The following SGCZ variants were observed in gnomAD, a reference collection of about 807,000 sequenced individuals.
SGCZ encodes the protein zeta-sarcoglycan.
In SGCZ, 40 loss-of-function variants were observed where a neutral mutation model predicts 41.3. That is an observed-to-expected ratio of 0.97 (90% CI 0.75 to 1.26). The LOEUF (loss-of-function observed/expected upper bound fraction) is 1.26. Ranked by LOEUF, SGCZ falls within the 50% of genes most tolerant of loss-of-function variation. SGCZ has a pLI of 0.00. For synonymous variants in SGCZ, 206 were observed against 137.5 expected, an observed-to-expected ratio of 1.50 and a Z score of -3.49; for missense variants, 552 against 369.8, an observed-to-expected ratio of 1.49 and a Z score of -4.04.
intron 3 of SGCZ, among the ~76,000 whole-genome samples, chr8:14,298,117 T>C (rs1202569467): frequency 1.3e-5 from 2 of 151,994 alleles, no homozygotes; most frequent in Admixed American, 1.3e-4. Context: ...AAAAAGATTA[T>C]TTTAATAGAT....
intron 2 of SGCZ, among the ~76,000 whole-genome samples, chr8:14,486,078 G>T (rs960742370): frequency 3.3e-5 from 5 of 152,074 alleles, no homozygotes; most frequent in Admixed American, 3.3e-4. Context: ...ACAAAATAAC[G>T]TCAGTTAATA....
intron 1 of SGCZ, among the ~76,000 whole-genome samples, chr8:14,619,239 A>G (rs1214050103): frequency 6.6e-6 from 1 of 152,174 alleles, no homozygotes; most frequent in Non-Finnish European, 1.5e-5. Context: ...AAAATTCAAC[A>G]ACCTTCATGC....
chr8:15,080,774 A>G (rs540524517), intron 1 of SGCZ, among the ~76,000 whole-genome samples: 2 of 152,006 alleles, frequency 1.3e-5, no homozygotes, highest in South Asian at 4.1e-4. Context: ...TTGTATTTTT[A>G]GTAGAATCGG....
chr8:14,449,408 A>G (rs1800526887), intron 2 of SGCZ, among the ~76,000 whole-genome samples: 1 of 152,160 alleles, frequency 6.6e-6, no homozygotes, highest in Non-Finnish European at 1.5e-5. Context: ...TTTGTGTCCC[A>G]ATATTTGACT....
chr8:14,181,526 G>C (rs1376590073), intron 4 of SGCZ, among the ~76,000 whole-genome samples: 2 of 152,208 alleles, frequency 1.3e-5, no homozygotes, highest in East Asian at 3.9e-4. Context: ...TGGTTTGGCT[G>C]TGTCCCCACC....
intron 1 of SGCZ, among the ~76,000 whole-genome samples, chr8:14,704,791 CA>C (rs746459553): frequency 6.6e-6 from 1 of 151,444 alleles, no homozygotes; most frequent in Non-Finnish European, 1.5e-5. Context: ...TTAAAAAACA[CA>C]AAAAAACAAA....
chr8:15,003,222 G>C (rs1192466385), intron 1 of SGCZ, among the ~76,000 whole-genome samples: 1 of 152,210 alleles, frequency 6.6e-6, no homozygotes, highest in Non-Finnish European at 1.5e-5. Context: ...ATGGAGAGCA[G>C]AGAGTTTATA....
intron 1 of SGCZ, among the ~76,000 whole-genome samples, chr8:14,583,826 CAT>C (rs71818960): frequency 0.35 from 52,555 of 150,856 alleles, 9,482 homozygotes; most frequent in East Asian, 0.53. Flanking sequence ...TATGGCAAAA[CAT>C]ATATATATAT....
chr8:14,232,988 T>A lies in SGCZ; in HGVS notation c.424+4604A>T, dbSNP rs1460469315. On this transcript the variant is annotated intron_variant, in intron 4 of 7. Coordinates refer to ENST00000382080, the MANE Select transcript of SGCZ (RefSeq NM_139167.4). ...ATAGATGTGGGATTGTGGAACTTCT[T>A]CTTGTTTATGACATAGGGCCCCATA... Among the ~76,000 whole-genome samples, 4 of 152,060 alleles carry A rather than the reference T, an allele frequency of 2.6e-5. No individual in the cohort carries two copies. The East Asian group carries it at 7.7e-4, about 29-fold the overall frequency.
At chr8:14,256,140 A>G (rs1278361637) in intron 3 of SGCZ, among the ~76,000 whole-genome samples, 1 of 152,152 alleles carries the variant, frequency 6.6e-6, no homozygotes, top group Non-Finnish European at 1.5e-5. Flanking sequence ...GCAGAAGCAT[A>G]TGATATATAA....
At chr8:14,338,384 A>T (rs1251311272) in intron 2 of SGCZ, among the ~76,000 whole-genome samples, 1 of 152,194 alleles carries the variant, frequency 6.6e-6, no homozygotes, top group Non-Finnish European at 1.5e-5. Context: ...CCACGTGGGT[A>T]GCTTATGTAA....
intron 2 of SGCZ, among the ~76,000 whole-genome samples, chr8:14,505,350 G>C (rs769889712): frequency 1.3e-5 from 2 of 152,072 alleles, no homozygotes; most frequent in Non-Finnish European, 2.9e-5. Context: ...AAGAGCGCCA[G>C]TTACCAGGGC....
rs939215027 is a variant in SGCZ, at chr8:15,050,953, G to C, written c.39+186632C>G. 1.6e-4 allele frequency among the ~76,000 whole-genome samples: 25 copies of C among 152,208 alleles called. 1 individual carries two copies. Among genetic ancestry groups the C allele is most frequent in the Admixed American group, 1.3e-3 (20 of 15,282 alleles). ...ATGGGAAATACTTGCCTCTTTCTGGGATTGAGTGCCATTTGTAATGTGTTG... is the reference window on the plus strand; with the variant it reads ...ATGGGAAATACTTGCCTCTTTCTGGCATTGAGTGCCATTTGTAATGTGTTG... On this transcript the variant is annotated intron_variant, in intron 1 of 7. Coordinates refer to ENST00000382080, the MANE Select transcript of SGCZ (RefSeq NM_139167.4).
chr8:14,351,300 T>C (rs888467388), intron 2 of SGCZ, among the ~76,000 whole-genome samples: 1 of 152,134 alleles, frequency 6.6e-6, no homozygotes, highest in African/African-American at 2.4e-5. Flanking sequence ...ATTATTATTT[T>C]ACTCCTTTGC....
At chr8:14,658,700 T>C (rs1807653592) in intron 1 of SGCZ, among the ~76,000 whole-genome samples, 1 of 152,308 alleles carries the variant, frequency 6.6e-6, no homozygotes, top group African/African-American at 2.4e-5. Flanking sequence ...TCAGCAGGTA[T>C]TATTAATGTA....
chr8:15,129,987 T>G lies in SGCZ; in HGVS notation c.39+107598A>C, dbSNP rs1430160487. Among the ~76,000 whole-genome samples the G allele has an allele frequency of 2.6e-5, 4 of 152,104 alleles. No individual in the cohort carries two copies. In the East Asian group the frequency reaches 5.8e-4, roughly 22 times the overall value. ...TAATCTCAGTATTTTAAAAATGACA[T>G]TGGTGATGCATCCTGTATGACTAAG... On this transcript the variant is annotated intron_variant, in intron 1 of 7. Transcript: ENST00000382080.
At chr8:14,861,176 T>G (rs1235570756) in intron 1 of SGCZ, among the ~76,000 whole-genome samples, 3 of 152,160 alleles carry the variant, frequency 2.0e-5, no homozygotes, top group Non-Finnish European at 4.4e-5. Flanking sequence ...TGGAGAAAAC[T>G]TGTTTCTAAG....
intron 1 of SGCZ, among the ~76,000 whole-genome samples, chr8:14,831,767 T>C (rs1288869073): frequency 6.6e-6 from 1 of 152,218 alleles, no homozygotes; most frequent in Admixed American, 6.5e-5. Flanking sequence ...AACATATACA[T>C]ATATACACAC....
intron 1 of SGCZ, among the ~76,000 whole-genome samples, chr8:15,213,786 A>C (rs1801312318): frequency 6.6e-6 from 1 of 151,886 alleles, no homozygotes; most frequent in South Asian, 2.1e-4. Flanking sequence ...AGAAGATGGT[A>C]AACTTGTAAT....
Sources: gnomAD v4.1 joint callset for allele counts (sites outside exome capture counted in the v4.1 genomes callset) on GRCh38, gnomAD v4.1.1 for gene constraint, MANE v1.5 for transcripts, NCBI Gene and HGNC (gene_info 2026-07-23, HGNC 2026-07-21) for gene names.